GALNTL6: variants seen among roughly 807,000 people sequenced by gnomAD.
GALNTL6 encodes polypeptide N-acetylgalactosaminyltransferase-like 6.
In GALNTL6, 46 loss-of-function variants were observed where a neutral mutation model predicts 73.7. That is an observed-to-expected ratio of 0.62 (90% confidence interval 0.49 to 0.80). The LOEUF is 0.80. Ranked by LOEUF, GALNTL6 falls within the 30% of genes least tolerant of loss-of-function variation. The pLI is 0.00. For missense variants in GALNTL6, 604 were observed against 755.0 expected, an observed-to-expected ratio of 0.80 and a Z score of 2.34; for synonymous variants, 259 against 263.7, an observed-to-expected ratio of 0.98 and a Z score of 0.17.
chr4:172,469,714 T>G (rs1042761628), intron 5 of GALNTL6, among the ~76,000 whole-genome samples: 1 of 152,264 alleles, frequency 6.6e-6, no homozygotes, highest in African/African-American at 2.4e-5. Flanking sequence ...TCAGCATTCC[T>G]ATTTTAAAGG....
At chr4:172,683,315 A>G (rs1029803900) in intron 5 of GALNTL6, among the ~76,000 whole-genome samples, 1 of 152,186 alleles carries the variant, frequency 6.6e-6, no homozygotes, top group Middle Eastern at 3.2e-3. Flanking sequence ...GCTGGAGGAG[A>G]TATCTATTCA....
intron 11 of GALNTL6, among the ~76,000 whole-genome samples, chr4:173,013,898 T>C (rs1752663469): frequency 1.3e-5 from 2 of 152,136 alleles, no homozygotes; most frequent in African/African-American, 4.8e-5. Flanking sequence ...CTTACAAGAA[T>C]TAGGAAGCAC....
At chr4:172,140,831 G>A (rs77758332) in intron 2 of GALNTL6, among the ~76,000 whole-genome samples, 1,987 of 152,090 alleles carry the variant, frequency 0.013, 21 homozygotes, top group Middle Eastern at 0.037. Flanking sequence ...AGGGAAATTT[G>A]TTTGTTTTCT....
chr4:172,401,397 C>T (rs1410349338), intron 5 of GALNTL6, among the ~76,000 whole-genome samples: 2 of 152,058 alleles, frequency 1.3e-5, no homozygotes, highest in African/African-American at 2.4e-5. Flanking sequence ...AAATTCAATA[C>T]TCTACACGAC....
chr4:172,996,376 C>T (rs554306755), intron 10 of GALNTL6, among the ~76,000 whole-genome samples: 55 of 151,424 alleles, frequency 3.6e-4, no homozygotes, highest in African/African-American at 1.2e-3. Flanking sequence ...CAGCACACAC[C>T]GGGGGCTATG....
chr4:172,924,933 G>A (rs1413891430), intron 8 of GALNTL6, among the ~76,000 whole-genome samples: 1 of 152,080 alleles, frequency 6.6e-6, no homozygotes, highest in Non-Finnish European at 1.5e-5. Flanking sequence ...GTGCAGTGGC[G>A]CGATCTCGGC....
intron 2 of GALNTL6, among the ~76,000 whole-genome samples, chr4:172,115,489 AC>A (rs1410984547): frequency 1.3e-5 from 2 of 152,148 alleles, no homozygotes; most frequent in African/African-American, 4.8e-5. Context: ...TCAAACTCAA[AC>A]TTTTTTAGTG....
intron 5 of GALNTL6, among the ~76,000 whole-genome samples, chr4:172,476,988 G>A (rs1377981243): frequency 2.1e-5 from 3 of 141,342 alleles, no homozygotes; most frequent in South Asian, 2.2e-4. Context: ...GCAGTGGCAC[G>A]ATCTCGGCTC....
In GALNTL6 at chr4:171,911,583, A is replaced by C. The variant is rs190933165; in HGVS notation, c.138+96865A>C. On this transcript the variant is annotated intron_variant, in intron 2 of 12. Coordinates refer to ENST00000506823, the MANE Select transcript of GALNTL6 (RefSeq NM_001034845.3). ...CATTAAGTTAAGCACATAGAGTCTG[A>C]TATACGTGTGCTGATTCCAGTGCAC... 4.3e-3 allele frequency among the ~76,000 whole-genome samples: 654 copies of C among 152,310 alleles called. 2 individuals carry two copies. The highest frequency in any genetic ancestry group is 4.7e-3 in the Non-Finnish European group (318 of 68,032).
intron 5 of GALNTL6, among the ~76,000 whole-genome samples, chr4:172,556,267 G>A (rs773688507): frequency 6.6e-6 from 1 of 151,968 alleles, no homozygotes; most frequent in Non-Finnish European, 1.5e-5. Context: ...CTTCTAGGTA[G>A]GAGATCTTCC....
intron 2 of GALNTL6, among the ~76,000 whole-genome samples, chr4:172,221,257 T>G (rs950456958): frequency 6.6e-6 from 1 of 151,844 alleles, no homozygotes; most frequent in African/African-American, 2.4e-5. Context: ...CTCAGATTAA[T>G]AAGAAAATAG....
At chr4:172,983,701 AAT>A (rs1046084935) in intron 10 of GALNTL6, among the ~76,000 whole-genome samples, 1 of 152,022 alleles carries the variant, frequency 6.6e-6, no homozygotes, top group Non-Finnish European at 1.5e-5. Flanking sequence ...GTCTCAAAAA[AAT>A]ATATATATAT....
chr4:172,482,056 G>A (rs2111484724), intron 5 of GALNTL6, among the ~76,000 whole-genome samples: 1 of 152,326 alleles, frequency 6.6e-6, no homozygotes, highest in East Asian at 1.9e-4. Flanking sequence ...TTCGAGCGCA[G>A]CGCAGGTGGC....
intron 2 of GALNTL6, among the ~76,000 whole-genome samples, chr4:172,168,796 C>T (rs1045477013): frequency 2.0e-5 from 3 of 152,162 alleles, no homozygotes; most frequent in African/African-American, 4.8e-5. Flanking sequence ...GACATATCAG[C>T]TGCATCAATA....
At chr4:171,956,266 A>G (rs1739047538) in intron 2 of GALNTL6, among the ~76,000 whole-genome samples, 1 of 152,192 alleles carries the variant, frequency 6.6e-6, no homozygotes, top group East Asian at 1.9e-4. Context: ...TCAACCTTCC[A>G]AAGTGCAGGG....
intron 5 of GALNTL6, among the ~76,000 whole-genome samples, chr4:172,681,002 T>C (rs1157373624): frequency 6.6e-6 from 1 of 152,154 alleles, no homozygotes; most frequent in Non-Finnish European, 1.5e-5. Context: ...AAGGATTCCA[T>C]GTTACTGACA....
At chr4:172,549,957 T>C (rs1241025473) in intron 5 of GALNTL6, among the ~76,000 whole-genome samples, 1 of 152,182 alleles carries the variant, frequency 6.6e-6, no homozygotes, top group East Asian at 1.9e-4. Flanking sequence ...CACAAATATC[T>C]TTCCGTGTCA....
intron 5 of GALNTL6, among the ~76,000 whole-genome samples, chr4:172,439,372 A>G (rs1017641547): frequency 6.6e-6 from 1 of 152,022 alleles, no homozygotes; most frequent in Admixed American, 6.6e-5. Flanking sequence ...GCAGCATTTG[A>G]TACAGATTAG....
At chr4:172,719,298 A>G (rs1735307682) in intron 5 of GALNTL6, among the ~76,000 whole-genome samples, 1 of 152,224 alleles carries the variant, frequency 6.6e-6, no homozygotes, top group Non-Finnish European at 1.5e-5. Flanking sequence ...CTAAGGACAG[A>G]AAAACCCGAG....
Sources: gnomAD v4.1 joint callset for allele counts (sites outside exome capture counted in the v4.1 genomes callset) on GRCh38, gnomAD v4.1.1 for gene constraint, MANE v1.5 for transcripts, NCBI Gene and HGNC (gene_info 2026-07-23, HGNC 2026-07-21) for gene names.